The following CPA4 variants were observed in gnomAD, a reference collection of about 807,000 sequenced individuals.
CPA4 encodes the protein carboxypeptidase A3.
A neutral mutation model predicts 54.7 loss-of-function variants in CPA4; 49 were observed. The observed-to-expected ratio is 0.90, with a 90% CI of 0.71 to 1.14. The LOEUF (loss-of-function observed/expected upper bound fraction) is 1.14. Ranked by LOEUF, CPA4 falls within the 50% of genes most tolerant of loss-of-function variation. The pLI is 0.00. For missense variants in CPA4, 487 were observed against 525.1 expected (o/e 0.93, Z 0.71); for synonymous variants, 215 against 206.8 (o/e 1.04, Z -0.34).
At chr7:130,316,573 G>A (rs552769930) in intron 10 of CPA4, among the ~76,000 whole-genome samples, 1 of 152,280 alleles carries the variant, frequency 6.6e-6, no homozygotes, top group East Asian at 1.9e-4. Flanking sequence ...TATGTGAGTG[G>A]AAGTAAGGTG....
rs1273286811 is a variant in CPA4, at chr7:130,299,413, A to G, written c.285+9A>G. On this transcript the variant is annotated intron_variant, in intron 3 of 10. Transcript: ENST00000222482. ...CAATTGAGGACCTGCAGGTAGGTAG[A>G]CTATGCCTCCTGCCTCCTGCTCTTG... 6.2e-7 allele frequency: 1 copy of G among 1,613,368 alleles called. No individual in the cohort carries two copies. The highest frequency in any genetic ancestry group is 1.1e-5 in the South Asian group (1 of 91,050).
At chr7:130,316,087 T>TAAAAG (rs1793983621) in intron 10 of CPA4, among the ~76,000 whole-genome samples, 1 of 152,168 alleles carries the variant, frequency 6.6e-6, no homozygotes, top group Non-Finnish European at 1.5e-5. Context: ...ATATGTTGTA[T>TAAAAG]GAGGGGAAAT....
intron 1 of CPA4, among the ~76,000 whole-genome samples, chr7:130,297,635 C>G (rs1437048203): frequency 6.6e-6 from 1 of 152,168 alleles, no homozygotes; most frequent in African/African-American, 2.4e-5. Context: ...CCTGAAGAGC[C>G]ATCTGGATGA....
chr7:130,318,265 G>A (rs1794021796), intron 10 of CPA4, among the ~76,000 whole-genome samples: 1 of 152,056 alleles, frequency 6.6e-6, no homozygotes, highest in African/African-American at 2.4e-5. Flanking sequence ...CTTGAATAAT[G>A]GCCTTGTCCT....
Position 130,323,738 on chromosome 7 carries a change from T to A in CPA4, c.*1062T>A, listed in dbSNP as rs552782020. The A allele has an allele frequency of 6.6e-6, 1 of 152,252 alleles. No homozygotes were observed. The highest frequency in any genetic ancestry group is 2.4e-5 in the African/African-American group (1 of 41,450). The allele number at this position is 152,252 out of a possible 1,614,324, so 9.4% of individuals were successfully genotyped here. On this transcript the variant is annotated 3_prime_UTR_variant, in exon 11 of 11. Transcript: ENST00000222482. Reference sequence around the variant, plus strand: ...AGGATGGTGAAATTATCCCCATCTGTCCTAATGGGCTTACCTCCTCTTTGC... The same window carrying A: ...AGGATGGTGAAATTATCCCCATCTGACCTAATGGGCTTACCTCCTCTTTGC...
rs190195691 is a variant in CPA4 at position 130,304,112 on chromosome 7, C to T, written c.385-366C>T. Reference sequence around the variant, plus strand: ...AACTCCTGGCCTCAAGCAATCCTCCCGCCTCAGTCTCCCAGATTGCTGGGA... The same window carrying T: ...AACTCCTGGCCTCAAGCAATCCTCCTGCCTCAGTCTCCCAGATTGCTGGGA... On this transcript the variant is annotated intron_variant, in intron 4 of 10. Coordinates refer to ENST00000222482, the MANE Select transcript of CPA4 (RefSeq NM_016352.4). 9.7e-4 allele frequency among the ~76,000 whole-genome samples: 147 copies of T among 152,262 alleles called. 1 individual carries two copies. The highest frequency in any genetic ancestry group is 3.0e-3 in the African/African-American group (125 of 41,540).
At chr7:130,306,138 G>T in intron 6 of CPA4, 1 of 579,476 alleles carries the variant, frequency 1.7e-6, no homozygotes. Context: ...AAGCTGATAT[G>T]CAGCAGAGGT....
Position 130,306,892 on chromosome 7 carries a change from A to C in CPA4, c.697A>C (p.Thr233Pro). The C allele has an allele frequency of 6.5e-7, 1 of 1,536,570 alleles. No homozygotes were observed. The highest frequency in any genetic ancestry group is 2.2e-5 in the East Asian group (1 of 44,520). ...ANPDGYVYTQ[T>P]QNRLWRKTRS... ...TCCTGATGGATATGTGTATACTCAA[A>C]CTCAAGTGAGTATTCCCAAATGGGC... Residue 233 changes from threonine (T) to proline (P), a missense_variant, in exon 7 of 11, where the codon ACT (threonine) becomes CCT (proline). Coordinates refer to ENST00000222482, the MANE Select transcript of CPA4 (RefSeq NM_016352.4).
intron 4 of CPA4, among the ~76,000 whole-genome samples, chr7:130,304,164 C>A (rs1290316983): frequency 6.6e-6 from 1 of 152,182 alleles, no homozygotes; most frequent in Non-Finnish European, 1.5e-5. Flanking sequence ...CTGTGCCTGG[C>A]CGCTTGTCTT....
chr7:130,310,972 G>C lies in CPA4; in HGVS notation c.979G>C (p.Asp327His). Residue 327 changes from aspartate (D) to histidine (H), a missense_variant, in exon 9 of 11, where the codon GAT becomes CAT. Coordinates refer to ENST00000222482, the MANE Select transcript of CPA4 (RefSeq NM_016352.4). This position sits in a 1 kb window ranked among gnomAD's most constrained non-coding sequence, Gnocchi z 4.3. ...PYGYSVKKAPDAEELDKVARL... is the reference protein window; with the variant it reads ...PYGYSVKKAPHAEELDKVARL... ...TGGGTACTCAGTCAAAAAGGCCCCA[G>C]ATGCCGAGGAACTCGTGAGTCACAG... The C allele has an allele frequency of 1.9e-6, 3 of 1,613,900 alleles. No individual in the cohort carries two copies. Among genetic ancestry groups the C allele is most frequent in the Non-Finnish European group, 2.5e-6 (3 of 1,180,010 alleles).
chr7:130,315,836 G>T (rs1184252256), intron 10 of CPA4, among the ~76,000 whole-genome samples: 1 of 152,174 alleles, frequency 6.6e-6, no homozygotes, highest in Non-Finnish European at 1.5e-5. Flanking sequence ...GGCAAATAGA[G>T]CATTGATGGG....
chr7:130,312,049 G>A lies in CPA4; in HGVS notation c.1005G>A (p.Ala335=), dbSNP rs755044764. 8.7e-6 allele frequency: 14 copies of A among 1,613,942 alleles called. No individual in the cohort carries two copies. Among genetic ancestry groups the A allele is most frequent in the Admixed American group, 5.0e-5 (3 of 60,000 alleles). Residue 335 remains alanine (A), a synonymous_variant, in exon 10 of 11, where the codon GCG becomes GCA. Coordinates refer to ENST00000222482, the MANE Select transcript of CPA4 (RefSeq NM_016352.4). ...TTCCCCCTTCCCAGGACAAGGTGGC[G>A]AGGCTTGCGGCCAAAGCTCTGGCTT... The part of the protein sequence containing the change: ...APDAEELDKV[A]RLAAKALASV...
At chr7:130,299,503 T>C (rs568759899) in intron 3 of CPA4, 99 bp downstream of exon 3, 2 of 1,137,932 alleles carry the variant, frequency 1.8e-6, no homozygotes, top group African/African-American at 1.5e-5. Flanking sequence ...TTTATCCTTT[T>C]CTATTTTATA....
At chr7:130,298,335 T>G (rs188145815) in intron 1 of CPA4, among the ~76,000 whole-genome samples, 146 of 152,276 alleles carry the variant, frequency 9.6e-4, no homozygotes, top group African/African-American at 2.9e-3. Flanking sequence ...AATATATGTG[T>G]TTTTCATTAT....
intron 10 of CPA4, among the ~76,000 whole-genome samples, chr7:130,312,809 G>A (rs1793934577): frequency 6.6e-6 from 1 of 152,144 alleles, no homozygotes; most frequent in Admixed American, 6.5e-5. Context: ...GGGAGGGGGA[G>A]CTTATCGCAG....
chr7:130,307,737 C>T (rs1162834743), intron 7 of CPA4, among the ~76,000 whole-genome samples: 2 of 151,934 alleles, frequency 1.3e-5, no homozygotes, highest in Admixed American at 1.3e-4. Flanking sequence ...CTCTTTTATT[C>T]TACAGCAGCT....
chr7:130,306,127 C>T, intron 6 of CPA4: 1 of 588,804 alleles, frequency 1.7e-6, no homozygotes, highest in Non-Finnish European at 3.0e-6. Flanking sequence ...TGGTGGTGCA[C>T]AAGCTGATAT....
At position 130,310,345 on chromosome 7, in the gene CPA4, C is replaced by T. The variant is rs1172836801; in HGVS notation, c.794-442C>T. Among the ~76,000 whole-genome samples the T allele has an allele frequency of 6.6e-6, 1 of 152,176 alleles. No individual in the cohort carries two copies. The highest frequency in any genetic ancestry group is 6.5e-5 in the Admixed American group (1 of 15,280). ...GAAGGCAGTGTTTCTAAATACCTGTCAAATAATCAAGAGATTTTAGCCACA... is the reference window on the plus strand; with the variant it reads ...GAAGGCAGTGTTTCTAAATACCTGTTAAATAATCAAGAGATTTTAGCCACA... On this transcript the variant is annotated intron_variant, in intron 8 of 10. Transcript: ENST00000222482. This position sits in a 1 kb window ranked among gnomAD's most constrained non-coding sequence, Gnocchi z 4.3.
chr7:130,306,945 C>T, intron 7 of CPA4, 48 bp downstream of exon 7: 1 of 996,672 alleles, frequency 1.0e-6, no homozygotes, highest in Non-Finnish European at 1.6e-6. Context: ...GAATTCCTTG[C>T]TTTGCCACTA....
Sources: gnomAD v4.1 joint callset for allele counts (sites outside exome capture counted in the v4.1 genomes callset) on GRCh38, gnomAD v4.1.1 for gene constraint, Gnocchi (gnomAD v3.1) non-coding constraint, MANE v1.5 for transcripts, NCBI Gene and HGNC (gene_info 2026-07-23, HGNC 2026-07-21) for gene names.